The following CBLC variants were observed in gnomAD, a reference collection of about 807,000 sequenced individuals.
CBLC encodes the protein Cbl proto-oncogene C, also known as E3 ubiquitin-protein ligase CBL-C.
A neutral mutation model predicts 58.6 loss-of-function variants in CBLC; 46 were observed. That is an observed-to-expected ratio of 0.79 (90% CI 0.62 to 1.00). The LOEUF is 1.00. Among genes scored for constraint, CBLC ranks in the 50% least tolerant of loss-of-function variants. The pLI, the probability that CBLC is intolerant of heterozygous loss-of-function variation, is 0.00. For synonymous variants in CBLC, 271 were observed against 264.2 expected, an observed-to-expected ratio of 1.03 and a Z score of -0.25; for missense variants, 655 against 625.8, an observed-to-expected ratio of 1.05 and a Z score of -0.50.
chr19:44,781,170 G>T, intron 2 of CBLC, 37 bp from the exon 3 acceptor site: 2 of 1,586,604 alleles, frequency 1.3e-6, no homozygotes, highest in South Asian at 1.1e-5. Flanking sequence ...GCTCTGGGAG[G>T]CCTCAGCGGT....
At chr19:44,791,887 C>T (rs911895807) in intron 6 of CBLC, among the ~76,000 whole-genome samples, 2 of 151,724 alleles carry the variant, frequency 1.3e-5, no homozygotes, top group African/African-American at 4.8e-5. Flanking sequence ...CACGCTGGTC[C>T]AGAACTCCTG....
chr19:44,789,897 C>T, intron 5 of CBLC, 107 bp from the exon 6 acceptor site: 2 of 774,202 alleles, frequency 2.6e-6, no homozygotes, highest in Non-Finnish European at 4.6e-6. Context: ...GGGACAGATC[C>T]TCAACTCAGG....
rs144592965 is a variant in CBLC at position 44,782,322 on chromosome 19, G to A, written c.658-48G>A. 5.6e-4 allele frequency: 910 copies of A among 1,610,678 alleles called. 2 individuals carry two copies. In the Middle Eastern group the frequency reaches 7.4e-3, roughly 13 times the overall value. ...AGCCCTAGGGACTACTTAGGGATGT[G>A]AGCTGCTTCCCTGGTCGCTCCCTGA... On this transcript the variant is annotated intron_variant, in intron 3 of 10. Transcript: ENST00000647358.
chr19:44,785,545 TAGA>T (rs1599863139), intron 5 of CBLC, among the ~76,000 whole-genome samples: 1 of 125,076 alleles, frequency 8.0e-6, no homozygotes, highest in East Asian at 2.1e-4. Flanking sequence ...GATAGATAGA[TAGA>T]TAGATAGATA....
rs149347774 is a variant in CBLC, at chr19:44,790,881, C to T, written c.1005+790C>T. On this transcript the variant is annotated intron_variant, in intron 6 of 10. Coordinates refer to ENST00000647358, the MANE Select transcript of CBLC (RefSeq NM_012116.4). The stretch of plus-strand genomic sequence containing the variant: ...TCCCAGCACTTTGGTAGGCCGAGGC[C>T]GGCAGATCACCTGAGGTCAGGAGTT... Among the ~76,000 whole-genome samples the T allele has an allele frequency of 4.5e-3, 686 of 152,128 alleles. 7 individuals are homozygous for T. Among genetic ancestry groups the T allele is most frequent in the African/African-American group, 0.015 (642 of 41,518 alleles).
chr19:44,791,837 A>ATT (rs960301606), intron 6 of CBLC, among the ~76,000 whole-genome samples: 1 of 148,234 alleles, frequency 6.7e-6, no homozygotes, highest in African/African-American at 2.5e-5. Context: ...TTGGTTTATT[A>ATT]TTTTTTTTTT....
chr19:44,787,343 G>C (rs1248056522), intron 5 of CBLC, among the ~76,000 whole-genome samples: 1 of 152,042 alleles, frequency 6.6e-6, no homozygotes, highest in East Asian at 1.9e-4. Flanking sequence ...GCAGTGAGCC[G>C]AGATCGCGCC....
intron 9 of CBLC, among the ~76,000 whole-genome samples, chr19:44,795,533 AAG>A (rs913013783): frequency 1.3e-5 from 2 of 151,470 alleles, no homozygotes; most frequent in African/African-American, 4.8e-5. Flanking sequence ...AATAAAAAAA[AAG>A]AGTCTGTAAT....
At chr19:44,783,695 A>G (rs542368280) in intron 4 of CBLC, among the ~76,000 whole-genome samples, 102 of 152,258 alleles carry the variant, frequency 6.7e-4, no homozygotes, top group African/African-American at 2.3e-3. Flanking sequence ...ACAAAAAGGA[A>G]GAAAAGAAAA....
At position 44,793,537 on chromosome 19, in the gene CBLC, A is replaced by G. The variant is rs1425280513; in HGVS notation, c.1201A>G (p.Ile401Val). The G allele has an allele frequency of 2.5e-6, 4 of 1,612,852 alleles. No homozygotes were observed. The highest frequency in any genetic ancestry group is 8.5e-7 in the Non-Finnish European group (1 of 1,179,662). Residue 401 changes from isoleucine (I) to valine (V), a missense_variant, in exon 8 of 11, where the codon ATC (isoleucine) becomes GTC (valine). Physicochemically the swap from Ile to Val is conservative, Grantham distance 29. Around this residue, in one of 3 missense-constraint regions of CBLC, gnomAD observed 371 missense variants for 370.8 expected, o/e 1.00. Coordinates refer to ENST00000647358, the MANE Select transcript of CBLC (RefSeq NM_012116.4). ...GATCAAGGGCTGGGAGGCCGTGAGT[A>G]TCTACCAGTTCCACGGTCAGGCTAC... ...CEIKGWEAVS[I>V]YQFHGQATAE...
rs775629187 is a variant in CBLC, at chr19:44,800,442, G to A, written c.1424G>A (p.Ter475=). The A allele has an allele frequency of 2.5e-6, 4 of 1,610,048 alleles. No individual in the cohort carries two copies. Among genetic ancestry groups the A allele is most frequent in the Admixed American group, 1.7e-5 (1 of 59,960 alleles). Residue 475 remains the stop codon, a stop_retained_variant, in exon 10 of 11, where the codon TGA becomes TAA. Transcript: ENST00000647358. ...ALGPQDPAPA[*] ...GGACCCCAGGACCCTGCCCCGGCCTGAAGGCCAGGTGAGTCCATTCCCTAA... is the reference window on the plus strand; with the variant it reads ...GGACCCCAGGACCCTGCCCCGGCCTAAAGGCCAGGTGAGTCCATTCCCTAA...
At chr19:44,799,011 G>A (rs938732859) in intron 9 of CBLC, among the ~76,000 whole-genome samples, 4 of 152,068 alleles carry the variant, frequency 2.6e-5, no homozygotes, top group East Asian at 1.9e-4. Context: ...AGGCCTCCCC[G>A]GCATCTTCCC....
intron 4 of CBLC, 72 bp downstream of exon 4, chr19:44,782,563 G>A: frequency 1.6e-6 from 2 of 1,287,310 alleles, no homozygotes. Flanking sequence ...GGTGCGTGGT[G>A]GAGCCCAGAT....
chr19:44,794,457 CTTTTTTT>C (rs200824891), intron 9 of CBLC, among the ~76,000 whole-genome samples, 176 bp downstream of exon 9: 21 of 78,332 alleles, frequency 2.7e-4, no homozygotes, highest in Non-Finnish European at 3.9e-4. Context: ...CTGGGACTTT[CTTTTTTT>C]TTTTTTTTTT....
At position 44,780,351 on chromosome 19, in the gene CBLC, T is replaced by G. The variant is rs181887685; in HGVS notation, c.354-554T>G. ...GGGTTTCACCATGTTGGCCAGGCTGTTCTCAAACTCCTGACCTCAAGTGAT... is the reference window on the plus strand; with the variant it reads ...GGGTTTCACCATGTTGGCCAGGCTGGTCTCAAACTCCTGACCTCAAGTGAT... On this transcript the variant is annotated intron_variant, in intron 1 of 10. Transcript: ENST00000647358. 4.4e-3 allele frequency among the ~76,000 whole-genome samples: 655 copies of G among 150,528 alleles called. 7 individuals carry two copies. The highest frequency in any genetic ancestry group is 0.015 in the African/African-American group (629 of 40,956).
At position 44,778,115 on chromosome 19, in the gene CBLC, C is replaced by CGGCG. The variant is rs746650758; in HGVS notation, c.190_193dup (p.Ala65GlyfsTer111). 1.8e-5 allele frequency: 29 copies of CGGCG among 1,600,450 alleles called. No individual in the cohort carries two copies. The highest frequency in any genetic ancestry group is 2.3e-5 in the Non-Finnish European group (27 of 1,176,684). On this transcript the variant is annotated frameshift_variant, in exon 1 of 11. Coordinates refer to ENST00000647358, the MANE Select transcript of CBLC (RefSeq NM_012116.4). LOFTEE classifies it high-confidence loss of function. Reference sequence around the variant, plus strand: ...GCTGCTTCGAGAGGTGGCCCATTCTCGGCGGGCGGCCGGCGGAGGCGGCCC... The same window carrying CGGCG: ...GCTGCTTCGAGAGGTGGCCCATTCTCGGCGGGCGGGCGGCCGGCGGAGGCGGCCC...
Position 44,778,141 on chromosome 19 carries a change from C to T in CBLC, c.210C>T (p.Pro70=). 3 of 1,588,726 alleles carry T rather than the reference C, an allele frequency of 1.9e-6. No individual in the cohort carries two copies. Among genetic ancestry groups the T allele is most frequent in the Admixed American group, 1.8e-5 (1 of 56,166 alleles). The change falls in exon 1 of 11, where the codon CCC becomes CCT. Residue 70 remains proline, a synonymous_variant. Transcript: ENST00000647358. ...HSRRAAGGGG[P]GGPGGSGDFL... ...GGCGGGCGGCCGGCGGAGGCGGCCC[C>T]GGGGGTCCCGGCGGCTCTGGGGACT...
At chr19:44,795,181 C>G (rs1440970528) in intron 9 of CBLC, among the ~76,000 whole-genome samples, 1 of 151,582 alleles carries the variant, frequency 6.6e-6, no homozygotes, top group Non-Finnish European at 1.5e-5. Context: ...TGGTCTCAAA[C>G]CCCTGCCCTC....
Position 44,784,326 on chromosome 19 carries a change from A to T in CBLC, c.842A>T (p.Asp281Val). The change falls in exon 5 of 11, where the codon GAT becomes GTT. Residue 281 changes from aspartate to valine, a missense_variant. By Grantham distance (152) the Asp-to-Val change is radical. This residue lies in a region of CBLC where 371 missense variants were observed against 370.8 expected (regional missense o/e 1.00). Coordinates refer to ENST00000647358, the MANE Select transcript of CBLC (RefSeq NM_012116.4). ...GQWAIGYVSS[D>V]GSILQTIPAN... ...TGGGCCATCGGCTATGTGAGCTCAGATGGCAGCATCCTGCAGACCATCCCT... is the reference window on the plus strand; with the variant it reads ...TGGGCCATCGGCTATGTGAGCTCAGTTGGCAGCATCCTGCAGACCATCCCT... The T allele has an allele frequency of 6.2e-7, 1 of 1,603,146 alleles. No homozygotes were observed. The highest frequency in any genetic ancestry group is 8.5e-7 in the Non-Finnish European group (1 of 1,171,174).
Sources: allele counts gnomAD v4.1 joint callset (sites outside exome capture counted in the v4.1 genomes callset), GRCh38; gene constraint gnomAD v4.1.1; regional missense constraint gnomAD v4.1.1; transcripts MANE v1.5; gene names NCBI Gene and HGNC (gene_info 2026-07-23, HGNC 2026-07-21).